The following NALCN variants were observed in gnomAD, a reference collection of about 807,000 sequenced individuals.
NALCN encodes sodium leak channel NALCN.
In NALCN, 111 loss-of-function variants were observed where a neutral mutation model predicts 225.3. That is an observed-to-expected ratio of 0.49 (90% CI 0.42 to 0.58). The LOEUF is 0.58. Among genes scored for constraint, NALCN ranks in the 20% least tolerant of loss-of-function variants. The pLI is 0.00. For synonymous variants in NALCN, 764 were observed against 769.0 expected (o/e 0.99, Z 0.11); for missense variants, 1,378 against 2,202.4 (o/e 0.63, Z 7.49).
chr13:101,411,213 TTTC>T (rs201309473), intron 1 of NALCN, among the ~76,000 whole-genome samples: 13,603 of 152,106 alleles, frequency 0.089, 764 homozygotes, highest in African/African-American at 0.15. Flanking sequence ...CTTTCTTTTT[TTTC>T]CTTTTTTTTT....
intron 18 of NALCN, chr13:101,116,333 T>TATAA (rs527419441): frequency 0.015 from 3,420 of 235,310 alleles, 46 homozygotes; most frequent in Middle Eastern, 0.025. Flanking sequence ...TATATATATA[T>TATAA]AATCTTTTAT....
intron 30 of NALCN, 81 bp from the exon 31 acceptor site, chr13:101,083,885 A>G: frequency 7.6e-7 from 1 of 1,313,322 alleles, no homozygotes; most frequent in Middle Eastern, 1.9e-4. Flanking sequence ...TGCCGAGACA[A>G]ACAGGACTGA....
At chr13:101,260,379 T>C (rs1412831318) in intron 10 of NALCN, among the ~76,000 whole-genome samples, 1 of 152,222 alleles carries the variant, frequency 6.6e-6, no homozygotes, top group African/African-American at 2.4e-5. Context: ...TTCTTTTGGG[T>C]ATATGCCCAG....
At chr13:101,268,345 AAC>A (rs2042664179) in intron 10 of NALCN, among the ~76,000 whole-genome samples, 1 of 152,162 alleles carries the variant, frequency 6.6e-6, no homozygotes, top group East Asian at 1.9e-4. Flanking sequence ...AGAAAATGCT[AAC>A]AGTCAGGACT....
chr13:101,311,413 G>A (rs2044341037), intron 7 of NALCN, among the ~76,000 whole-genome samples: 2 of 150,296 alleles, frequency 1.3e-5, no homozygotes, highest in Non-Finnish European at 2.9e-5. Flanking sequence ...TAGGAGTGGT[G>A]AGAGAGGGCA....
intron 12 of NALCN, among the ~76,000 whole-genome samples, chr13:101,231,347 T>A (rs936774990): frequency 3.9e-5 from 6 of 152,208 alleles, no homozygotes; most frequent in African/African-American, 1.4e-4. Flanking sequence ...AACTTTGTGT[T>A]GGACAAATAG....
In NALCN at chr13:101,089,831, G is replaced by C; in HGVS notation, c.3390+15C>G. ...TGCTCTTGAAGTGTTCAAAGGATTCGATGTGCTCGCTTACCGGCCCCACAC... is the reference window on the plus strand; with the variant it reads ...TGCTCTTGAAGTGTTCAAAGGATTCCATGTGCTCGCTTACCGGCCCCACAC... On this transcript the variant is annotated intron_variant, in intron 29 of 43. Coordinates refer to ENST00000251127, the MANE Select transcript of NALCN (RefSeq NM_052867.4). This position sits in a 1 kb window ranked among gnomAD's most constrained non-coding sequence, Gnocchi z 4.7. 1.9e-6 allele frequency: 3 copies of C among 1,613,966 alleles called. No homozygotes were observed. Among genetic ancestry groups the C allele is most frequent in the Non-Finnish European group, 2.5e-6 (3 of 1,179,896 alleles).
intron 30 of NALCN, among the ~76,000 whole-genome samples, chr13:101,084,099 A>G (rs1182130477): frequency 6.6e-6 from 1 of 152,176 alleles, no homozygotes; most frequent in Non-Finnish European, 1.5e-5. Context: ...ACATAATTAC[A>G]TTTTCAAAAA....
At chr13:101,110,510 A>T in intron 20 of NALCN, 109 bp downstream of exon 20, 1 of 1,175,682 alleles carries the variant, frequency 8.5e-7, no homozygotes, top group Non-Finnish European at 1.2e-6. Flanking sequence ...ATGAAGTCTT[A>T]AGGAGACATG....
At chr13:101,111,045 C>A in intron 19 of NALCN, 80 bp downstream of exon 19, 3 of 1,416,564 alleles carry the variant, frequency 2.1e-6, no homozygotes, top group Non-Finnish European at 2.9e-6. Flanking sequence ...GGCTGACAGC[C>A]GTGACTGTGT....
At chr13:101,349,058 T>C (rs1159661728) in intron 6 of NALCN, among the ~76,000 whole-genome samples, 6 of 152,134 alleles carry the variant, frequency 3.9e-5, no homozygotes, top group Admixed American at 1.3e-4. Context: ...GTGGGGTGGA[T>C]GGAATTCTTG....
At chr13:101,148,743 A>C (rs1307714920) in intron 15 of NALCN, among the ~76,000 whole-genome samples, 1 of 152,216 alleles carries the variant, frequency 6.6e-6, no homozygotes, top group East Asian at 1.9e-4. Context: ...AATGGTATTG[A>C]TCAGGTGGCG....
chr13:101,118,398 C>T (rs182095256), intron 18 of NALCN, among the ~76,000 whole-genome samples: 11 of 152,146 alleles, frequency 7.2e-5, no homozygotes, highest in Non-Finnish European at 1.5e-5. Flanking sequence ...ATTTTGATTA[C>T]CGCAAATCAG....
intron 3 of NALCN, among the ~76,000 whole-genome samples, chr13:101,387,360 T>C (rs1204809436): frequency 6.6e-6 from 1 of 152,116 alleles, no homozygotes; most frequent in Non-Finnish European, 1.5e-5. Flanking sequence ...ATAACTAAAT[T>C]TGACTATTCC....
chr13:101,284,951 T>C (rs925974898), intron 9 of NALCN, among the ~76,000 whole-genome samples: 5 of 152,180 alleles, frequency 3.3e-5, no homozygotes, highest in African/African-American at 1.2e-4. Flanking sequence ...ATGGTAGGAA[T>C]AGGGCAAAAT....
At chr13:101,113,546 T>C (rs1395932397) in intron 18 of NALCN, among the ~76,000 whole-genome samples, 1 of 152,220 alleles carries the variant, frequency 6.6e-6, no homozygotes, top group Non-Finnish European at 1.5e-5. Context: ...TCTAATCCAA[T>C]GTGCCCAGGT....
chr13:101,204,761 C>A (rs1019326342), intron 13 of NALCN, among the ~76,000 whole-genome samples: 3 of 151,958 alleles, frequency 2.0e-5, no homozygotes, highest in African/African-American at 7.3e-5. Flanking sequence ...TGTATTATAC[C>A]ATAAATGACA....
chr13:101,303,555 G>A (rs1474101782), intron 7 of NALCN, among the ~76,000 whole-genome samples: 1 of 152,034 alleles, frequency 6.6e-6, no homozygotes, highest in African/African-American at 2.4e-5. Context: ...TAACTGCAAG[G>A]CAACATTAGA....
intron 26 of NALCN, 35 bp downstream of exon 26, chr13:101,103,137 C>T (rs1485787062): frequency 6.2e-6 from 10 of 1,603,768 alleles, no homozygotes; most frequent in Non-Finnish European, 7.7e-6. Flanking sequence ...AGGTGGACTA[C>T]TGTGAACTGG....
Sources: gnomAD v4.1 joint callset for allele counts (sites outside exome capture counted in the v4.1 genomes callset) on GRCh38, gnomAD v4.1.1 for gene constraint, Gnocchi (gnomAD v3.1) non-coding constraint, MANE v1.5 for transcripts, NCBI Gene and HGNC (gene_info 2026-07-23, HGNC 2026-07-21) for gene names.